CSMD1: variants seen among roughly 807,000 people sequenced by gnomAD.
The protein encoded by CSMD1 is CUB and sushi domain-containing protein 1.
Under a neutral mutation model 417.5 loss-of-function variants are expected in CSMD1, and 213 were observed. The observed-to-expected ratio is 0.51, with a 90% CI of 0.46 to 0.57. The LOEUF (loss-of-function observed/expected upper bound fraction) is 0.57, where lower values mean the gene tolerates loss of function less well. Among genes scored for constraint, CSMD1 ranks in the 20% least tolerant of loss-of-function variants. CSMD1 has a pLI of 0.00. For synonymous variants in CSMD1, 2,862 were observed against 1,736.8 expected, an observed-to-expected ratio of 1.65 and a Z score of -16.11; for missense variants, 6,923 against 4,529.7, an observed-to-expected ratio of 1.53 and a Z score of -15.17.
intron 10 of CSMD1, among the ~76,000 whole-genome samples, chr8:3,520,017 T>A (rs996576608): frequency 7.2e-6 from 1 of 138,836 alleles, no homozygotes; most frequent in Non-Finnish European, 1.5e-5. Context: ...TGTGTGTATA[T>A]ACCTATATAT....
At chr8:4,436,164 G>C (rs893142661) in intron 2 of CSMD1, among the ~76,000 whole-genome samples, 1 of 152,148 alleles carries the variant, frequency 6.6e-6, no homozygotes, top group African/African-American at 2.4e-5. Flanking sequence ...GAGAGAGTTA[G>C]ATTTCAGTGT....
chr8:3,862,978 C>G (rs558769048), intron 5 of CSMD1, among the ~76,000 whole-genome samples: 5 of 152,254 alleles, frequency 3.3e-5, no homozygotes, highest in African/African-American at 1.2e-4. Flanking sequence ...TCTGGAGATT[C>G]CAATATCAAG....
intron 20 of CSMD1, among the ~76,000 whole-genome samples, chr8:3,364,020 G>C (rs865995838): frequency 2.0e-5 from 3 of 152,148 alleles, no homozygotes; most frequent in Non-Finnish European, 2.9e-5. Context: ...GGCCTTCTGA[G>C]AAAGGCAGAA....
intron 26 of CSMD1, among the ~76,000 whole-genome samples, chr8:3,248,220 C>T (rs183392462): frequency 1.3e-5 from 2 of 152,102 alleles, no homozygotes; most frequent in Non-Finnish European, 2.9e-5. Flanking sequence ...TCATTAAAAC[C>T]TTTACTGTAA....
chr8:3,777,183 C>T (rs184333986), intron 5 of CSMD1, among the ~76,000 whole-genome samples: 374 of 151,108 alleles, frequency 2.5e-3, no homozygotes, highest in Middle Eastern at 6.9e-3. Flanking sequence ...GTATGTGTGT[C>T]TGTTACTTGT....
At chr8:4,874,861 A>G (rs757107460) in intron 1 of CSMD1, among the ~76,000 whole-genome samples, 8 of 148,720 alleles carry the variant, frequency 5.4e-5, no homozygotes, top group Admixed American at 2.0e-4. Context: ...TATTAAATAT[A>G]GTATAGTGTA....
At chr8:4,426,316 GTTTT>G (rs944962552) in intron 2 of CSMD1, among the ~76,000 whole-genome samples, 2 of 150,682 alleles carry the variant, frequency 1.3e-5, no homozygotes, top group African/African-American at 2.4e-5. Flanking sequence ...GATATAAAAA[GTTTT>G]TTTAATTATG....
At chr8:4,643,387 C>A (rs1803325960) in intron 1 of CSMD1, among the ~76,000 whole-genome samples, 1 of 152,188 alleles carries the variant, frequency 6.6e-6, no homozygotes, top group Admixed American at 6.5e-5. Flanking sequence ...TTTTTGACCT[C>A]CAAAGCATCT....
At chr8:3,261,025 T>A (rs1262921096) in intron 26 of CSMD1, among the ~76,000 whole-genome samples, 4 of 152,056 alleles carry the variant, frequency 2.6e-5, no homozygotes, top group African/African-American at 9.7e-5. Flanking sequence ...AAAAAAAACC[T>A]TTCACTGTAG....
At position 4,056,538 on chromosome 8, in the gene CSMD1, T is replaced by TATTATC. The variant is rs1381938520; in HGVS notation, c.416-24440_416-24439insGATAAT. Among the ~76,000 whole-genome samples the TATTATC allele has an allele frequency of 9.6e-4, 146 of 152,038 alleles. 1 individual carries two copies. Among genetic ancestry groups the TATTATC allele is most frequent in the African/African-American group, 3.5e-3 (144 of 41,460 alleles). On this transcript the variant is annotated intron_variant, in intron 3 of 69. Transcript: ENST00000635120. Reference sequence around the variant, plus strand: ...GGAAAGCATTTAATTTCAATTTTATTATTATTATTATTATAGTTTAAGTTT... The same window carrying TATTATC: ...GGAAAGCATTTAATTTCAATTTTATTATTATCATTATTATTATTATAGTTTAAGTTT...
chr8:4,025,379 G>C (rs141492517), intron 4 of CSMD1, among the ~76,000 whole-genome samples: 174 of 152,230 alleles, frequency 1.1e-3, no homozygotes, highest in African/African-American at 4.1e-3. Flanking sequence ...TAGGACCCTA[G>C]ATCTCAAAGT....
intron 56 of CSMD1, among the ~76,000 whole-genome samples, chr8:2,973,551 G>A (rs1458325066): frequency 6.6e-6 from 1 of 151,952 alleles, no homozygotes; most frequent in Non-Finnish European, 1.5e-5. Context: ...AATAAACGAC[G>A]TTTCCTTTGG....
At chr8:4,457,761 CCT>C (rs1417231049) in intron 2 of CSMD1, among the ~76,000 whole-genome samples, 1 of 152,164 alleles carries the variant, frequency 6.6e-6, no homozygotes, top group Non-Finnish European at 1.5e-5. Flanking sequence ...GCATAGGACA[CCT>C]CTTCACTGGC....
At chr8:4,740,996 CAT>C (rs1171480222) in intron 1 of CSMD1, among the ~76,000 whole-genome samples, 1 of 152,096 alleles carries the variant, frequency 6.6e-6, no homozygotes, top group Non-Finnish European at 1.5e-5. Context: ...CAGGAAGACA[CAT>C]AAAAAATAAT....
chr8:4,184,656 G>T (rs370421898), intron 3 of CSMD1, among the ~76,000 whole-genome samples: 2 of 152,100 alleles, frequency 1.3e-5, no homozygotes, highest in Admixed American at 1.3e-4. Flanking sequence ...GCTAAAGGAA[G>T]ACAGATGGAC....
At chr8:4,182,038 G>A (rs1017808749) in intron 3 of CSMD1, among the ~76,000 whole-genome samples, 1 of 119,158 alleles carries the variant, frequency 8.4e-6, no homozygotes, top group South Asian at 3.1e-4. Flanking sequence ...GTGTGTGTGT[G>A]TGTGTCGGTG....
At chr8:3,412,785 A>G (rs1812894289) in intron 12 of CSMD1, among the ~76,000 whole-genome samples, 1 of 152,224 alleles carries the variant, frequency 6.6e-6, no homozygotes, top group African/African-American at 2.4e-5. Flanking sequence ...GTTGTTGAAC[A>G]GAGATGGGAA....
rs560546582 is a variant in CSMD1 at position 3,907,035 on chromosome 8, C to T, written c.818+90868G>A. Among the ~76,000 whole-genome samples, 18 of 152,238 alleles carry T rather than the reference C, an allele frequency of 1.2e-4. No individual in the cohort carries two copies. The South Asian group carries it at 3.3e-3, about 28-fold the overall frequency. On this transcript the variant is annotated intron_variant, in intron 5 of 69. Coordinates refer to ENST00000635120, the MANE Select transcript of CSMD1 (RefSeq NM_033225.6). The stretch of plus-strand genomic sequence containing the variant: ...GCCCTTTCATAGATGAGAAAAATGG[C>T]TGGGAGAGCTTACTAAAGTTTCCAA...
At chr8:3,957,535 C>T (rs748721530) in intron 5 of CSMD1, among the ~76,000 whole-genome samples, 1 of 151,936 alleles carries the variant, frequency 6.6e-6, no homozygotes, top group Non-Finnish European at 1.5e-5. Flanking sequence ...TTTAAAAAAA[C>T]TAGCTGGGCA....
Sources: allele counts gnomAD v4.1 joint callset (sites outside exome capture counted in the v4.1 genomes callset), GRCh38; gene constraint gnomAD v4.1.1; transcripts MANE v1.5; gene names NCBI Gene and HGNC (gene_info 2026-07-23, HGNC 2026-07-21).